Variants in TBC1D2B observed in about 807,000 individuals in gnomAD.
The protein encoded by TBC1D2B is TBC1 domain family member 2B.
Under a neutral mutation model 100.8 loss-of-function variants are expected in TBC1D2B, and 64 were observed. The observed-to-expected ratio is 0.64, with a 90% CI of 0.52 to 0.78. The LOEUF is 0.78. Ranked by LOEUF, TBC1D2B falls within the 30% of genes least tolerant of loss-of-function variation. The pLI, the probability that TBC1D2B is intolerant of heterozygous loss-of-function variation, is 0.00. For missense variants in TBC1D2B, 1,052 were observed against 1,218.4 expected, an observed-to-expected ratio of 0.86 and a Z score of 2.03; for synonymous variants, 480 against 479.7, an observed-to-expected ratio of 1.00 and a Z score of -0.01.
At position 78,024,319 on chromosome 15, in the gene TBC1D2B, A is replaced by C. The variant is rs1250783713; in HGVS notation, c.1307T>G (p.Leu436Arg). The C allele has an allele frequency of 6.2e-7, 1 of 1,614,012 alleles. No individual in the cohort carries two copies. The highest frequency in any genetic ancestry group is 1.1e-5 in the South Asian group (1 of 91,088). The change falls in exon 6 of 13, where the codon CTC (leucine) becomes CGC (arginine). Residue 436 changes from leucine to arginine, a missense_variant. Leu to Arg is a moderately radical substitution (Grantham distance 102). Around this residue, in one of 4 missense-constraint regions of TBC1D2B, gnomAD observed 627 missense variants for 646.1 expected, o/e 0.97. Coordinates refer to ENST00000300584, the MANE Select transcript of TBC1D2B (RefSeq NM_144572.2). ...CATGAGCATTCCCAGCTGCTCGTTG[A>C]GCTCGCCCACTTTGCTCTTCAGCGT... is the stretch of plus-strand genomic sequence containing the variant. ...VRTLKSKVGE[L>R]NEQLGMLMET... is the part of the protein sequence containing the mutation.
intron 2 of TBC1D2B, among the ~76,000 whole-genome samples, chr15:78,045,751 T>C (rs2073181377): frequency 6.6e-6 from 1 of 152,196 alleles, no homozygotes; most frequent in South Asian, 2.1e-4. Flanking sequence ...TAATATTTGC[T>C]TCAGGTAACA....
At chr15:78,002,158 T>C (rs2071931533) in intron 11 of TBC1D2B, among the ~76,000 whole-genome samples, 1 of 152,246 alleles carries the variant, frequency 6.6e-6, no homozygotes, top group African/African-American at 2.4e-5. Context: ...TGGTGCACTT[T>C]TGAAGATAGC....
At chr15:78,066,835 G>A (rs950997909) in intron 1 of TBC1D2B, among the ~76,000 whole-genome samples, 2 of 152,164 alleles carry the variant, frequency 1.3e-5, no homozygotes, top group African/African-American at 4.8e-5. Context: ...CACCTCCAAA[G>A]AGAAGCCCTC....
chr15:78,028,120 T>C (rs2072718586), intron 4 of TBC1D2B, among the ~76,000 whole-genome samples: 1 of 152,240 alleles, frequency 6.6e-6, no homozygotes, highest in South Asian at 2.1e-4. Context: ...AGGTGGAATT[T>C]CAAAATTACT....
intron 2 of TBC1D2B, 119 bp downstream of exon 2, chr15:78,053,915 T>A: frequency 8.6e-7 from 1 of 1,162,268 alleles, no homozygotes; most frequent in Non-Finnish European, 1.2e-6. Flanking sequence ...TGTCCACTCA[T>A]AAGGTAGCAT....
chr15:78,017,564 T>C (rs1335390196), intron 7 of TBC1D2B, among the ~76,000 whole-genome samples: 1 of 152,244 alleles, frequency 6.6e-6, no homozygotes, highest in Non-Finnish European at 1.5e-5. Context: ...GTTCTTTTTT[T>C]AACTAGAGAA....
intron 3 of TBC1D2B, among the ~76,000 whole-genome samples, chr15:78,032,154 C>T (rs1465765526): frequency 6.6e-6 from 1 of 152,104 alleles, no homozygotes; most frequent in East Asian, 1.9e-4. Flanking sequence ...AGGGAGAGAA[C>T]CAACTGAGAG....
chr15:78,077,337 C>T lies in TBC1D2B; in HGVS notation c.316G>A (p.Ala106Thr). The change falls in exon 1 of 13, where the codon GCG (alanine) becomes ACG (threonine). Residue 106 changes from alanine (A) to threonine (T), a missense_variant. By Grantham distance (58) the Ala-to-Thr change is moderately conservative. Around this residue, in one of 4 missense-constraint regions of TBC1D2B, gnomAD observed 627 missense variants for 646.1 expected, o/e 0.97. Transcript: ENST00000300584. ...CCCGCGCTGTGCACCTGGAAGTGCG[C>T]GGGCGGCTCCGTGCCCGGCTCCGCC... ...EAAEPGTEPP[A>T]HFQVHSAGAV... The T allele has an allele frequency of 6.5e-7, 1 of 1,536,514 alleles. No homozygotes were observed. Among genetic ancestry groups the T allele is most frequent in the Non-Finnish European group, 8.8e-7 (1 of 1,142,020 alleles).
At chr15:78,071,944 G>A (rs1388076775) in intron 1 of TBC1D2B, among the ~76,000 whole-genome samples, 1 of 152,174 alleles carries the variant, frequency 6.6e-6, no homozygotes, top group Non-Finnish European at 1.5e-5. Context: ...CCCTCTTCCT[G>A]GTTTGCAAAG....
chr15:78,056,477 G>A (rs1245216136), intron 1 of TBC1D2B, among the ~76,000 whole-genome samples: 2 of 152,264 alleles, frequency 1.3e-5, no homozygotes, highest in Non-Finnish European at 2.9e-5. Flanking sequence ...GAGGCCGTGA[G>A]CCCACTTGGG....
At position 77,998,327 on chromosome 15, in the gene TBC1D2B, G is replaced by A. The variant is rs748668720; in HGVS notation, c.2725C>T (p.Leu909=). The A allele has an allele frequency of 6.5e-5, 103 of 1,595,054 alleles. No individual in the cohort carries two copies. Among genetic ancestry groups the A allele is most frequent in the Non-Finnish European group, 8.5e-5 (100 of 1,171,436 alleles). Residue 909 remains leucine (L), a synonymous_variant, in exon 13 of 13, where the codon CTG becomes TTG. Coordinates refer to ENST00000300584, the MANE Select transcript of TBC1D2B (RefSeq NM_144572.2). ...ATCTGGCGTAGGGGGAAAGGGTTCA[G>A]GTCCCCAAAGGAGATACTGATCAGC... ...RKLISISFGD[L]NPFPLRQIRN...
chr15:78,040,885 A>AAAGAAAGAAAGAAAGAAAGAAG (rs1331476238), intron 3 of TBC1D2B, among the ~76,000 whole-genome samples: 1 of 144,890 alleles, frequency 6.9e-6, no homozygotes, highest in Non-Finnish European at 1.5e-5. Context: ...AAAGAAAGAG[A>AAAGAAAGAAAGAAAGAAAGAAG]GAGAGAGAGA....
intron 10 of TBC1D2B, among the ~76,000 whole-genome samples, chr15:78,006,196 A>G (rs1431530085): frequency 6.6e-6 from 1 of 152,208 alleles, no homozygotes; most frequent in East Asian, 1.9e-4. Flanking sequence ...CAATGGAATT[A>G]AGAAAGATCA....
chr15:77,999,409 C>T (rs180987886), intron 12 of TBC1D2B: 86 of 401,310 alleles, frequency 2.1e-4, no homozygotes, highest in African/African-American at 1.6e-3. Context: ...GCTTAACTCT[C>T]GTCCAGAGGC....
At chr15:78,047,242 G>A (rs1341984930) in intron 2 of TBC1D2B, among the ~76,000 whole-genome samples, 3 of 149,464 alleles carry the variant, frequency 2.0e-5, no homozygotes, top group Non-Finnish European at 4.4e-5. Context: ...ACGGCTCACT[G>A]CAGCCTCTTG....
chr15:78,071,890 A>C (rs948324126), intron 1 of TBC1D2B, among the ~76,000 whole-genome samples: 1 of 152,232 alleles, frequency 6.6e-6, no homozygotes. Flanking sequence ...GAAGGCTGGA[A>C]TGTCCAAAAT....
rs1463836969 is a variant in TBC1D2B, at chr15:78,068,272, G to T, written c.360+9021C>A. ...ATGGAAAATTTTCACTGCTGTATTT[G>T]CAGCAAGCAGCATAGTGCTTAGAAT... On this transcript the variant is annotated intron_variant, in intron 1 of 12. Coordinates refer to ENST00000300584, the MANE Select transcript of TBC1D2B (RefSeq NM_144572.2). Among the ~76,000 whole-genome samples, 11 of 152,020 alleles carry T rather than the reference G, an allele frequency of 7.2e-5. No individual in the cohort carries two copies. The East Asian group carries it at 2.1e-3, about 29-fold the overall frequency.
chr15:78,007,251 C>T (rs940094116), intron 10 of TBC1D2B, among the ~76,000 whole-genome samples: 1 of 152,170 alleles, frequency 6.6e-6, no homozygotes, highest in African/African-American at 2.4e-5. Flanking sequence ...GAGCCCCAGA[C>T]AACAGCAGCA....
At chr15:78,064,063 A>G (rs977801495) in intron 1 of TBC1D2B, among the ~76,000 whole-genome samples, 1 of 152,128 alleles carries the variant, frequency 6.6e-6, no homozygotes, top group Non-Finnish European at 1.5e-5. Context: ...TCTGGCCCAC[A>G]CTGCCCCACA....
Sources: gnomAD v4.1 joint callset for allele counts (sites outside exome capture counted in the v4.1 genomes callset) on GRCh38, gnomAD v4.1.1 for gene constraint, gnomAD v4.1.1 regional missense constraint, MANE v1.5 for transcripts, NCBI Gene and HGNC (gene_info 2026-07-23, HGNC 2026-07-21) for gene names.